The following JPT1 variants were observed in gnomAD, a reference collection of about 807,000 sequenced individuals.
JPT1 encodes the protein Jupiter microtubule associated homolog 1, also known as androgen-regulated protein 2.
Under a neutral mutation model 17.0 loss-of-function variants are expected in JPT1, and 5 were observed. The observed-to-expected ratio is 0.29, with a 90% confidence interval of 0.15 to 0.62. The LOEUF (loss-of-function observed/expected upper bound fraction) is 0.62. Among genes scored for constraint, JPT1 ranks in the 20% least tolerant of loss-of-function variants. The pLI is 0.85. For missense variants in JPT1, 158 were observed against 188.1 expected (o/e 0.84, Z 0.94); for synonymous variants, 71 against 73.6 (o/e 0.96, Z 0.18).
chr17:75,153,765 T>G (rs2074590298), intron 1 of JPT1: 2 of 151,856 alleles, frequency 1.3e-5, no homozygotes, highest in Non-Finnish European at 1.5e-5. Context: ...CGACCACACA[T>G]GCACCTGTCA....
Position 75,147,639 on chromosome 17 carries a change from C to T in JPT1, c.214G>A (p.Gly72Ser). ...GATGACTCCAAGTCTTCCCTGCCACCACTAGACTTGGCACCTAAAAATCAA... is the reference window on the plus strand; with the variant it reads ...GATGACTCCAAGTCTTCCCTGCCACTACTAGACTTGGCACCTAAAAATCAA... ...WAKSAGAKSS[G>S]GREDLESSGL... The change falls in exon 3 of 5, where the codon GGT becomes AGT. Residue 72 changes from glycine (G) to serine (S), a missense_variant. Gly to Ser is a moderately conservative substitution (Grantham distance 56, BLOSUM62 0). Transcript: ENST00000409753. 6.2e-7 allele frequency: 1 copy of T among 1,612,960 alleles called. No homozygotes were observed. Among genetic ancestry groups the T allele is most frequent in the Non-Finnish European group, 8.5e-7 (1 of 1,178,998 alleles).
chr17:75,147,931 G>T, intron 2 of JPT1: 1 of 379,420 alleles, frequency 2.6e-6, no homozygotes, highest in Non-Finnish European at 5.0e-6. Flanking sequence ...CTCGGGAGGT[G>T]GAGGTTGTGG....
rs916416325 is a variant in JPT1 at position 75,154,488 on chromosome 17, GACCACCGCTGCAGGA to G, written c.-106_-92del. On this transcript the variant is annotated 5_prime_UTR_variant, in exon 1 of 5. Coordinates refer to ENST00000409753, the MANE Select transcript of JPT1 (RefSeq NM_016185.4). ...CTGGGAAACTCCACACCCAACAGCC[GACCACCGCTGCAGGA>G]GCCGCCGCTGCCGCCTGTCCGGCCG... The G allele has an allele frequency of 1.1e-5, 14 of 1,242,050 alleles. No individual in the cohort carries two copies. Among genetic ancestry groups the G allele is most frequent in the Admixed American group, 2.2e-5 (1 of 45,622 alleles). 76.9% of individuals were successfully genotyped at this position (1,242,050 alleles called of 1,614,324 possible).
intron 4 of JPT1, among the ~76,000 whole-genome samples, chr17:75,140,328 T>A (rs2074284620): frequency 6.6e-6 from 1 of 152,218 alleles, no homozygotes; most frequent in Non-Finnish European, 1.5e-5. Flanking sequence ...ATATACATTT[T>A]AGACACTCCT....
intron 4 of JPT1, 40 bp downstream of exon 4, chr17:75,146,626 C>A: frequency 6.8e-7 from 1 of 1,472,174 alleles, no homozygotes. Flanking sequence ...GTCCTAAAAC[C>A]ATGGACAGAG....
chr17:75,149,758 C>G (rs534554315), intron 1 of JPT1, among the ~76,000 whole-genome samples: 134 of 152,064 alleles, frequency 8.8e-4, no homozygotes, highest in Non-Finnish European at 1.7e-3. Context: ...CCCCTATAGT[C>G]CCAGCCATTC....
chr17:75,143,486 G>A (rs2074366347), intron 4 of JPT1, among the ~76,000 whole-genome samples: 1 of 152,086 alleles, frequency 6.6e-6, no homozygotes, highest in South Asian at 2.1e-4. Flanking sequence ...TTGAACCCAG[G>A]AGGCAGAGGT....
intron 4 of JPT1, chr17:75,142,637 A>AGAGAGGAGGGGAGGGG: frequency 5.0e-6 from 1 of 200,206 alleles, no homozygotes. Flanking sequence ...GAGGGGAGGG[A>AGAGAGGAGGGGAGGGG]GGGGAGGGGG....
Position 75,148,594 on chromosome 17 carries a change from T to C in JPT1, c.134A>G (p.Asn45Ser). 1 of 1,614,182 alleles carries C rather than the reference T, an allele frequency of 6.2e-7. No homozygotes were observed. Among genetic ancestry groups the C allele is most frequent in the South Asian group, 1.1e-5 (1 of 91,088 alleles). The change falls in exon 2 of 5, where the codon AAC (asparagine) becomes AGC (serine). Residue 45 changes from asparagine (N) to serine (S), a missense_variant. By Grantham distance (46) the Asn-to-Ser change is conservative (BLOSUM62 1). Coordinates refer to ENST00000409753, the MANE Select transcript of JPT1 (RefSeq NM_016185.4). ...DEPTEQPVRK[N>S]KMASNIFGTP... is the part of the protein sequence containing the mutation. ...CCCAAAGATATTAGAGGCCATTTTG[T>C]TCTTCCTCACAGGTTGTTCTGTTGG...
intron 1 of JPT1, among the ~76,000 whole-genome samples, chr17:75,149,443 C>T (rs532000599): frequency 6.6e-6 from 1 of 152,298 alleles, no homozygotes; most frequent in African/African-American, 2.4e-5. Flanking sequence ...TCTCAGCTCA[C>T]TGCAAGCTCC....
At chr17:75,149,469 G>A (rs1191469688) in intron 1 of JPT1, among the ~76,000 whole-genome samples, 1 of 152,106 alleles carries the variant, frequency 6.6e-6, no homozygotes, top group African/African-American at 2.4e-5. Flanking sequence ...CCGGGTTCAC[G>A]CCATTCACCT....
chr17:75,147,536 C>T lies in JPT1; in HGVS notation c.297+20G>A, dbSNP rs2145186618. 1.3e-6 allele frequency: 2 copies of T among 1,558,448 alleles called. No individual in the cohort carries two copies. Among genetic ancestry groups the T allele is most frequent in the Non-Finnish European group, 8.9e-7 (1 of 1,129,818 alleles). On this transcript the variant is annotated intron_variant, in intron 3 of 4. Transcript: ENST00000409753. ...CATATTGACCTGAAAGCCTTTCTGGCCTCATGCTGTCACACTGACCTTCAG... is the reference window on the plus strand; with the variant it reads ...CATATTGACCTGAAAGCCTTTCTGGTCTCATGCTGTCACACTGACCTTCAG...
intron 1 of JPT1, among the ~76,000 whole-genome samples, chr17:75,151,348 A>C (rs922592509): frequency 5.1e-5 from 7 of 136,552 alleles, no homozygotes; most frequent in Non-Finnish European, 8.5e-5. Context: ...AATAATAATG[A>C]TAATAATAAT....
At chr17:75,150,250 TTTC>T (rs1453187270) in intron 1 of JPT1, among the ~76,000 whole-genome samples, 1 of 151,904 alleles carries the variant, frequency 6.6e-6, no homozygotes, top group African/African-American at 2.4e-5. Flanking sequence ...AATACTTTTT[TTTC>T]TTTTCTTTTT....
intron 4 of JPT1, among the ~76,000 whole-genome samples, chr17:75,137,101 C>T (rs1240677534): frequency 1.3e-5 from 2 of 152,144 alleles, no homozygotes; most frequent in African/African-American, 2.4e-5. Flanking sequence ...TGTCAAGCTT[C>T]ATTGCTTTAT....
intron 4 of JPT1, chr17:75,142,653 G>A (rs2074346973): frequency 3.0e-6 from 1 of 329,966 alleles, no homozygotes. Flanking sequence ...GGGGGGGATG[G>A]AGGGAAGGGG....
chr17:75,143,813 G>A (rs1337282262), intron 4 of JPT1, among the ~76,000 whole-genome samples: 4 of 151,806 alleles, frequency 2.6e-5, no homozygotes, highest in Non-Finnish European at 5.9e-5. Context: ...TCCAGCCTGG[G>A]TGACAGAGAG....
chr17:75,138,455 C>T (rs955446366), intron 4 of JPT1: 1 of 149,612 alleles, frequency 6.7e-6, no homozygotes, highest in Non-Finnish European at 1.5e-5. Context: ...ATCGCCCAGA[C>T]TGGAGTAAAG....
intron 4 of JPT1, among the ~76,000 whole-genome samples, chr17:75,141,689 A>G (rs375179833): frequency 2.0e-5 from 3 of 151,292 alleles, no homozygotes; most frequent in Admixed American, 6.6e-5. Flanking sequence ...GTAACCAGAT[A>G]ACCACTGGGG....
Sources: gnomAD v4.1 joint callset for allele counts (sites outside exome capture counted in the v4.1 genomes callset) on GRCh38, gnomAD v4.1.1 for gene constraint, MANE v1.5 for transcripts, NCBI Gene and HGNC (gene_info 2026-07-23, HGNC 2026-07-21) for gene names.